Variants in NMNAT3 observed in about 807,000 individuals in gnomAD.
The protein encoded by NMNAT3 is nicotinamide/nicotinic acid mononucleotide adenylyltransferase 3.
Under a neutral mutation model 24.8 loss-of-function variants are expected in NMNAT3, and 21 were observed. That is an observed-to-expected ratio of 0.85 (90% CI 0.60 to 1.22). NMNAT3 has a LOEUF of 1.22. NMNAT3 is among the 50% of genes most tolerant of loss of function. The probability of loss-of-function intolerance (pLI) is 0.00; values close to 1 mark genes in which losing one functional copy is unlikely to be tolerated. For missense variants in NMNAT3, 387 were observed against 436.6 expected (o/e 0.89, Z 1.01); for synonymous variants, 136 against 155.2 (o/e 0.88, Z 0.92).
At chr3:139,650,762 C>T (rs758903559) in intron 1 of NMNAT3, among the ~76,000 whole-genome samples, 1 of 152,144 alleles carries the variant, frequency 6.6e-6, no homozygotes, top group Non-Finnish European at 1.5e-5. Flanking sequence ...TCTGTGAAAG[C>T]GATAAATTCA....
At chr3:139,577,180 C>T (rs971811480) in intron 5 of NMNAT3, among the ~76,000 whole-genome samples, 1 of 152,024 alleles carries the variant, frequency 6.6e-6, no homozygotes, top group Non-Finnish European at 1.5e-5. Context: ...TTAGCTCACT[C>T]CTGTATTTTG....
intron 3 of NMNAT3, among the ~76,000 whole-genome samples, chr3:139,602,326 A>G (rs1576621761): frequency 6.6e-6 from 1 of 152,162 alleles, no homozygotes; most frequent in Non-Finnish European, 1.5e-5. Flanking sequence ...TAGGGAAGAG[A>G]CCTGCTTGGC....
intron 6 of NMNAT3, among the ~76,000 whole-genome samples, chr3:139,563,772 C>T (rs1436502868): frequency 6.6e-6 from 1 of 152,190 alleles, no homozygotes; most frequent in South Asian, 2.1e-4. Flanking sequence ...CCATTTACAA[C>T]ACTGTTACAA....
intron 3 of NMNAT3, among the ~76,000 whole-genome samples, chr3:139,611,710 T>G (rs2055223283): frequency 6.6e-6 from 1 of 151,954 alleles, no homozygotes; most frequent in African/African-American, 2.4e-5. Context: ...CAGGGCTGGG[T>G]GGGGGGCTTT....
chr3:139,579,491 A>C (rs77051738), intron 4 of NMNAT3, among the ~76,000 whole-genome samples: 1 of 152,194 alleles, frequency 6.6e-6, no homozygotes, highest in Non-Finnish European at 1.5e-5. Flanking sequence ...GATTTTGAGG[A>C]TGAAGGACAA....
At chr3:139,617,444 C>T (rs62273065) in intron 3 of NMNAT3, among the ~76,000 whole-genome samples, 53,301 of 152,014 alleles carry the variant, frequency 0.35, 10,971 homozygotes, top group South Asian at 0.67. Flanking sequence ...TTCAATCTCT[C>T]TGAGCCTTAG....
At chr3:139,634,436 T>G (rs934447531) in intron 2 of NMNAT3, 175 bp downstream of exon 3, 1 of 152,208 alleles carries the variant, frequency 6.6e-6, no homozygotes, top group Non-Finnish European at 1.5e-5. Context: ...AAGTCGTGGT[T>G]TGTATGTGGG....
intron 1 of NMNAT3, among the ~76,000 whole-genome samples, chr3:139,654,913 TG>T (rs112663448): frequency 1.1e-3 from 170 of 152,028 alleles, no homozygotes; most frequent in African/African-American, 4.0e-3. Flanking sequence ...CCTGTGCTGG[TG>T]GGAGGTAGAA....
At chr3:139,655,385 G>T (rs926689956) in intron 1 of NMNAT3, among the ~76,000 whole-genome samples, 1 of 152,194 alleles carries the variant, frequency 6.6e-6, no homozygotes, top group Non-Finnish European at 1.5e-5. Context: ...TTTATTCACT[G>T]CTCCTGAGAC....
At chr3:139,669,350 C>T (rs919494781) in intron 1 of NMNAT3, among the ~76,000 whole-genome samples, 2 of 151,864 alleles carry the variant, frequency 1.3e-5, no homozygotes, top group African/African-American at 4.8e-5. Context: ...TGGTGCATGC[C>T]TGTAGTCCCA....
chr3:139,586,283 T>A (rs1351009401), intron 3 of NMNAT3, among the ~76,000 whole-genome samples: 3 of 152,272 alleles, frequency 2.0e-5, no homozygotes, highest in African/African-American at 7.2e-5. Flanking sequence ...CCAAGCTTAA[T>A]ACCTGGGTGA....
chr3:139,561,008 C>T lies in NMNAT3; in HGVS notation c.*2G>A, dbSNP rs1936298013. The T allele has an allele frequency of 6.2e-7, 1 of 1,608,296 alleles. No homozygotes were observed. The highest frequency in any genetic ancestry group is 8.5e-7 in the Non-Finnish European group (1 of 1,176,492). On this transcript the variant is annotated 3_prime_UTR_variant, in exon 7 of 7. Transcript: ENST00000643695. ...GAGGTGTGGGTGCTGAGTCCCCCCT[C>T]CCTAGCTTGTCTTGCCCTCAGTGCT... is the stretch of plus-strand genomic sequence containing the variant.
chr3:139,654,363 GGA>G (rs960417585), intron 1 of NMNAT3, among the ~76,000 whole-genome samples: 54 of 152,114 alleles, frequency 3.5e-4, no homozygotes, highest in Admixed American at 2.0e-4. Flanking sequence ...GGCCCACCAG[GGA>G]GAGAGAGAGC....
intron 1 of NMNAT3, among the ~76,000 whole-genome samples, chr3:139,674,023 G>A (rs776417516): frequency 3.3e-4 from 50 of 152,046 alleles, no homozygotes; most frequent in Non-Finnish European, 6.3e-4. Context: ...TCTGGATTTA[G>A]GGGCAGCTCT....
At chr3:139,591,911 C>T (rs541791145) in intron 3 of NMNAT3, among the ~76,000 whole-genome samples, 162 of 152,310 alleles carry the variant, frequency 1.1e-3, no homozygotes, top group African/African-American at 3.8e-3. Context: ...AATCAGAGCG[C>T]CTCTCCTCCT....
intron 2 of NMNAT3, among the ~76,000 whole-genome samples, chr3:139,632,464 G>T (rs188731068): frequency 2.0e-4 from 31 of 152,336 alleles, no homozygotes; most frequent in African/African-American, 6.7e-4. Flanking sequence ...CTGTCCATTT[G>T]CCAAGACAGT....
chr3:139,630,972 C>CAGT lies in NMNAT3; in HGVS notation c.-40-3209_-40-3208insACT, dbSNP rs200864900. 5.8e-3 allele frequency among the ~76,000 whole-genome samples: 890 copies of CAGT among 152,222 alleles called. 12 individuals are homozygous for CAGT. The highest frequency in any genetic ancestry group is 0.02 in the African/African-American group (831 of 41,506). On this transcript the variant is annotated intron_variant, in intron 2 of 6. Coordinates refer to ENST00000643695, the MANE Select transcript of NMNAT3 (RefSeq NM_001320510.2). ...TTGTTAGCACCATTAAAATATGTAA[C>CAGT]AGCATCTCAGGTAACCTGGGGCTCT... is the stretch of plus-strand genomic sequence containing the variant.
chr3:139,667,661 C>A (rs1267663049), intron 1 of NMNAT3, among the ~76,000 whole-genome samples: 1 of 152,106 alleles, frequency 6.6e-6, no homozygotes, highest in Non-Finnish European at 1.5e-5. Context: ...GCCCAGTCAA[C>A]CCCCAGAATT....
intron 3 of NMNAT3, among the ~76,000 whole-genome samples, chr3:139,602,780 T>C (rs1307901810): frequency 6.6e-6 from 1 of 152,236 alleles, no homozygotes; most frequent in Non-Finnish European, 1.5e-5. Context: ...ATGGGTTTCT[T>C]AGATTGTAAA....
Sources: allele counts gnomAD v4.1 joint callset (sites outside exome capture counted in the v4.1 genomes callset), GRCh38; gene constraint gnomAD v4.1.1; transcripts MANE v1.5; gene names NCBI Gene and HGNC (gene_info 2026-07-23, HGNC 2026-07-21).